The following HTR1F variants were observed in gnomAD, a reference collection of about 807,000 sequenced individuals.
HTR1F encodes the protein 5-hydroxytryptamine receptor 1F.
A neutral mutation model predicts 24.0 loss-of-function variants in HTR1F; 17 were observed. The ratio of observed to expected loss-of-function variants is 0.71; its 90% CI spans 0.48 to 1.06. HTR1F has a LOEUF of 1.06. HTR1F is among the 50% of genes least tolerant of loss of function. The pLI, the probability that HTR1F is intolerant of heterozygous loss-of-function variation, is 0.00. For missense variants in HTR1F, 391 were observed against 427.8 expected (o/e 0.91, Z 0.76); for synonymous variants, 186 against 156.8 (o/e 1.19, Z -1.39).
intron 1 of HTR1F, among the ~76,000 whole-genome samples, chr3:87,802,168 CCCTT>C (rs1704002817): frequency 1.0e-5 from 1 of 99,224 alleles, no homozygotes; most frequent in African/African-American, 3.8e-5. Flanking sequence ...CTCCCTCCCT[CCCTT>C]CCTTTCTTCT....
chr3:87,839,401 T>A (rs1392238748), intron 2 of HTR1F, among the ~76,000 whole-genome samples: 3 of 152,254 alleles, frequency 2.0e-5, no homozygotes, highest in Non-Finnish European at 4.4e-5. Flanking sequence ...CTGTATTCTG[T>A]CCCATTGTTC....
In HTR1F at chr3:87,837,997, A is replaced by G. The variant is rs1437892279; in HGVS notation, c.-43+15873A>G. 2.0e-5 allele frequency among the ~76,000 whole-genome samples: 3 copies of G among 152,126 alleles called. No individual in the cohort carries two copies. The East Asian group carries it at 5.8e-4, about 29-fold the overall frequency. On this transcript the variant is annotated intron_variant, in intron 2 of 2. Coordinates refer to ENST00000319595, the MANE Select transcript of HTR1F (RefSeq NM_001322209.2). ...TTTATTTTGTCCACGTGGATACTAT[A>G]TGGAAATAATAACTGAGATTATGGA...
At chr3:87,849,067 A>G (rs1705015872) in intron 2 of HTR1F, among the ~76,000 whole-genome samples, 1 of 151,490 alleles carries the variant, frequency 6.6e-6, no homozygotes, top group Admixed American at 6.6e-5. Context: ...CATCCCCATC[A>G]AGCTACCAAT....
intron 2 of HTR1F, among the ~76,000 whole-genome samples, chr3:87,947,589 T>C (rs1344218801): frequency 1.3e-5 from 2 of 152,136 alleles, no homozygotes; most frequent in South Asian, 2.1e-4. Flanking sequence ...AGAGCATCTA[T>C]AGCATGGTAT....
At chr3:87,939,467 C>G (rs891189425) in intron 2 of HTR1F, among the ~76,000 whole-genome samples, 4 of 152,122 alleles carry the variant, frequency 2.6e-5, no homozygotes, top group African/African-American at 9.7e-5. Context: ...TCCTCTTGTA[C>G]CTCTAGTAGA....
intron 2 of HTR1F, among the ~76,000 whole-genome samples, chr3:87,921,435 T>A (rs182917923): frequency 6.6e-6 from 1 of 152,130 alleles, no homozygotes; most frequent in Non-Finnish European, 1.5e-5. Flanking sequence ...AAATATAACA[T>A]GCTTTTTTTA....
chr3:87,991,145 C>A lies in HTR1F; in HGVS notation c.396C>A (p.Ala132=). 6 of 1,613,964 alleles carry A rather than the reference C, an allele frequency of 3.7e-6. No homozygotes were observed. Among genetic ancestry groups the A allele is most frequent in the Non-Finnish European group, 4.2e-6 (5 of 1,180,004 alleles). Residue 132 remains alanine, a synonymous_variant, in exon 3 of 3, where the codon GCC becomes GCA. Coordinates refer to ENST00000319595, the MANE Select transcript of HTR1F (RefSeq NM_001322209.2). ...YRAITDAVEY[A]RKRTPKHAGI... is the part of the protein sequence containing the mutation. ...CAATCACAGATGCTGTTGAGTATGC[C>A]AGGAAAAGGACTCCAAAGCATGCTG... is the stretch of plus-strand genomic sequence containing the variant.
intron 2 of HTR1F, among the ~76,000 whole-genome samples, chr3:87,988,552 A>G (rs1705729196): frequency 6.6e-6 from 1 of 152,106 alleles, no homozygotes; most frequent in Non-Finnish European, 1.5e-5. Context: ...AATACGCTGC[A>G]TTTCAAAGTT....
At chr3:87,879,638 A>C (rs1189773178) in intron 2 of HTR1F, among the ~76,000 whole-genome samples, 2 of 152,222 alleles carry the variant, frequency 1.3e-5, no homozygotes, top group African/African-American at 4.8e-5. Context: ...CCAGTTTCTA[A>C]AATTCTTAAA....
intron 2 of HTR1F, among the ~76,000 whole-genome samples, chr3:87,833,694 T>C (rs1704627651): frequency 6.6e-6 from 1 of 152,064 alleles, no homozygotes; most frequent in Non-Finnish European, 1.5e-5. Flanking sequence ...CTATATTGCC[T>C]AGGCTGGTCT....
At chr3:87,859,830 G>T (rs1705278465) in intron 2 of HTR1F, among the ~76,000 whole-genome samples, 2 of 152,118 alleles carry the variant, frequency 1.3e-5, no homozygotes, top group Admixed American at 1.3e-4. Context: ...CTCCTTTCAG[G>T]TTGCAAGTCT....
chr3:87,941,834 C>A (rs530154696), intron 2 of HTR1F, among the ~76,000 whole-genome samples: 1 of 152,266 alleles, frequency 6.6e-6, no homozygotes, highest in South Asian at 2.1e-4. Flanking sequence ...AATGGCCTCA[C>A]TGATAATCCT....
intron 2 of HTR1F, among the ~76,000 whole-genome samples, chr3:87,978,447 A>AACAGTACAGCTCTCAGT (rs1338474756): frequency 6.6e-6 from 1 of 152,174 alleles, no homozygotes; most frequent in Non-Finnish European, 1.5e-5. Context: ...TTTATTGAGC[A>AACAGTACAGCTCTCAGT]ACAGTACAGC....
chr3:87,941,175 T>C (rs995949691), intron 2 of HTR1F, among the ~76,000 whole-genome samples: 5 of 152,198 alleles, frequency 3.3e-5, no homozygotes, highest in Non-Finnish European at 7.3e-5. Context: ...TTCTTCTGCT[T>C]CAGGTGTCCA....
intron 2 of HTR1F, among the ~76,000 whole-genome samples, chr3:87,939,298 C>T (rs1704503253): frequency 1.3e-5 from 2 of 152,090 alleles, no homozygotes; most frequent in African/African-American, 2.4e-5. Context: ...AGGATTTTCG[C>T]GTTGATGTTC....
intron 2 of HTR1F, among the ~76,000 whole-genome samples, chr3:87,960,225 C>T (rs1468195661): frequency 1.3e-5 from 2 of 151,618 alleles, no homozygotes; most frequent in Non-Finnish European, 2.9e-5. Context: ...AGAACAGCTG[C>T]CTTTTCACTA....
intron 2 of HTR1F, among the ~76,000 whole-genome samples, chr3:87,883,226 C>T (rs183623674): frequency 6.6e-6 from 1 of 152,094 alleles, no homozygotes; most frequent in Non-Finnish European, 1.5e-5. Context: ...TGCAGCTGAG[C>T]GACCTGACTG....
intron 2 of HTR1F, among the ~76,000 whole-genome samples, chr3:87,823,520 T>C (rs2107130938): frequency 6.6e-6 from 1 of 151,558 alleles, no homozygotes; most frequent in South Asian, 2.1e-4. Flanking sequence ...TCCCATATTT[T>C]TTTTTTTTTT....
At chr3:87,937,986 A>G (rs919222539) in intron 2 of HTR1F, among the ~76,000 whole-genome samples, 5 of 152,080 alleles carry the variant, frequency 3.3e-5, no homozygotes, top group African/African-American at 1.2e-4. Context: ...ATAGGAAGAG[A>G]GGAAGTCAAA....
Sources: allele counts gnomAD v4.1 joint callset (sites outside exome capture counted in the v4.1 genomes callset), GRCh38; gene constraint gnomAD v4.1.1; transcripts MANE v1.5; gene names NCBI Gene and HGNC (gene_info 2026-07-23, HGNC 2026-07-21).